Variants in TLR6 observed in about 807,000 individuals in gnomAD.
The protein encoded by TLR6 is toll-like receptor 6.
Under a neutral mutation model 16.1 loss-of-function variants are expected in TLR6, and 9 were observed. The observed-to-expected ratio is 0.56, with a 90% CI of 0.34 to 0.98. TLR6 has a LOEUF of 0.98. TLR6 is among the 50% of genes least tolerant of loss of function. The pLI, the probability that TLR6 is intolerant of heterozygous loss-of-function variation, is 0.02. For synonymous variants in TLR6, 340 were observed against 338.6 expected (o/e 1.00, Z -0.04); for missense variants, 786 against 921.0 (o/e 0.85, Z 1.90).
intron 1 of TLR6, among the ~76,000 whole-genome samples, chr4:38,831,402 T>C (rs1711569953): frequency 6.6e-6 from 1 of 152,064 alleles, no homozygotes; most frequent in Non-Finnish European, 1.5e-5. Flanking sequence ...TGCAAAACTA[T>C]AAAATTTCCA....
intron 1 of TLR6, among the ~76,000 whole-genome samples, chr4:38,848,021 G>T (rs1182097789): frequency 6.6e-6 from 1 of 152,204 alleles, no homozygotes; most frequent in Non-Finnish European, 1.5e-5. Flanking sequence ...AGCCTAACTG[G>T]GAGGCACCCC....
At chr4:38,839,310 T>A (rs60987061) in intron 1 of TLR6, among the ~76,000 whole-genome samples, 4,796 of 151,740 alleles carry the variant, frequency 0.032, 160 homozygotes, top group African/African-American at 0.078. Flanking sequence ...GATTTTTTTT[T>A]AAAAAAAATT....
exon 2 of TLR6, chr4:38,826,927 G>A (rs1286284587): frequency 1.1e-5 from 7 of 639,490 alleles, no homozygotes; most frequent in South Asian, 4.6e-5. Flanking sequence ...TAACCTCACC[G>A]CCTAGCTCAG....
At chr4:38,859,565 CTTTT>C (rs372944785), upstream of TLR6, among the ~76,000 whole-genome samples, 2 of 122,114 alleles carry the variant, frequency 1.6e-5, no homozygotes, top group African/African-American at 3.2e-5. Flanking sequence ...GATTATTGGC[CTTTT>C]TTTTTTTTTT....
upstream of TLR6, among the ~76,000 whole-genome samples, chr4:38,858,889 G>GAAAGAA (rs1560274761): frequency 1.6e-3 from 80 of 48,934 alleles, 8 homozygotes; most frequent in African/African-American, 2.3e-3. Flanking sequence ...GAAAGAAAGA[G>GAAAGAA]AGAAAGAAAG....
chr4:38,858,928 G>T (rs1487508293), upstream of TLR6, among the ~76,000 whole-genome samples: 2 of 151,948 alleles, frequency 1.3e-5, no homozygotes, highest in Non-Finnish European at 2.9e-5. Context: ...AAATTAAGGT[G>T]CAGAACTGTA....
intron 1 of TLR6, among the ~76,000 whole-genome samples, chr4:38,843,217 C>T (rs975523634): frequency 1.2e-4 from 19 of 152,200 alleles, no homozygotes; most frequent in Non-Finnish European, 2.8e-4. Flanking sequence ...ACCCCATGTT[C>T]ATGACTGAGA....
chr4:38,828,223 A>C, exon 2 of TLR6: 1 of 1,613,512 alleles, frequency 6.2e-7, no homozygotes, highest in Non-Finnish European at 8.5e-7. Context: ...TATGTCTACC[A>C]GATTCCAAAG....
chr4:38,839,052 AAG>A (rs1269439847), intron 1 of TLR6, among the ~76,000 whole-genome samples: 400 of 127,220 alleles, frequency 3.1e-3, no homozygotes, highest in African/African-American at 0.013. Flanking sequence ...AAGAAAGAAA[AAG>A]AGAGAAAGAA....
exon 2 of TLR6, chr4:38,825,399 C>T (rs1236890358): frequency 6.6e-6 from 1 of 152,218 alleles, no homozygotes; most frequent in African/African-American, 2.4e-5. Flanking sequence ...TCCATTGTCT[C>T]TGTCTTCTCT....
intron 1 of TLR6, among the ~76,000 whole-genome samples, chr4:38,833,060 G>A (rs1055927986): frequency 2.0e-5 from 3 of 152,074 alleles, no homozygotes; most frequent in Non-Finnish European, 2.9e-5. Context: ...CATGCCACAC[G>A]GGGTCCTGAG....
intron 1 of TLR6, among the ~76,000 whole-genome samples, chr4:38,830,202 C>T (rs1727757966): frequency 6.6e-6 from 1 of 152,202 alleles, no homozygotes; most frequent in Non-Finnish European, 1.5e-5. Context: ...CACAGCCAAC[C>T]TGCAAAGATC....
chr4:38,836,709 TG>T (rs35375609), intron 1 of TLR6, among the ~76,000 whole-genome samples: 3,880 of 152,074 alleles, frequency 0.026, 68 homozygotes, highest in African/African-American at 0.027. Flanking sequence ...GAGGCTGAGG[TG>T]GGCAGATCAC....
the TLR6 span, chr4:38,867,693 G>A: frequency 6.6e-6 from 1 of 151,256 alleles, no homozygotes; most frequent in Non-Finnish European, 1.5e-5. Flanking sequence ...GCGTCCCCGC[G>A]GCGCTCCTCG....
intron 1 of TLR6, among the ~76,000 whole-genome samples, chr4:38,853,605 A>T (rs545183054): frequency 6.6e-6 from 1 of 152,326 alleles, no homozygotes; most frequent in South Asian, 2.1e-4. Context: ...TATTATCATT[A>T]CTATTTTCTT....
chr4:38,853,216 A>C (rs1712838605), intron 1 of TLR6, among the ~76,000 whole-genome samples: 1 of 120,630 alleles, frequency 8.3e-6, no homozygotes, highest in East Asian at 2.7e-4. Flanking sequence ...AACATAACAC[A>C]CTGGGGCCTG....
At chr4:38,862,726 G>A in the TLR6 span, among the ~76,000 whole-genome samples, 2 of 150,504 alleles carry the variant, frequency 1.3e-5, no homozygotes, top group Non-Finnish European at 2.9e-5. Context: ...CTCCCGAGTA[G>A]CTGGGACTAC....
At chr4:38,855,751 G>C (rs17616463) in intron 1 of TLR6, among the ~76,000 whole-genome samples, 1 of 152,088 alleles carries the variant, frequency 6.6e-6, no homozygotes. Flanking sequence ...GCAGTTCCTA[G>C]GGAATACACT....
intron 1 of TLR6, among the ~76,000 whole-genome samples, chr4:38,855,447 T>C (rs1204551664): frequency 6.6e-6 from 1 of 152,182 alleles, no homozygotes; most frequent in Non-Finnish European, 1.5e-5. Flanking sequence ...AAAAAAGTTA[T>C]CGTAAGGCAA....
Sources: allele counts gnomAD v4.1 joint callset (sites outside exome capture counted in the v4.1 genomes callset), GRCh38; gene constraint gnomAD v4.1.1; transcripts MANE v1.5; gene names NCBI Gene and HGNC (gene_info 2026-07-23, HGNC 2026-07-21).